DLGAP4: variants seen among roughly 807,000 people sequenced by gnomAD.
DLGAP4 encodes DLG associated protein 4.
A neutral mutation model predicts 86.9 loss-of-function variants in DLGAP4; 18 were observed. The observed-to-expected ratio is 0.21, with a 90% CI of 0.14 to 0.31. The LOEUF (loss-of-function observed/expected upper bound fraction) is 0.31, where lower values mean the gene tolerates loss of function less well. Among genes scored for constraint, DLGAP4 ranks in the 10% least tolerant of loss-of-function variants. The pLI is 1.00. For synonymous variants in DLGAP4, 548 were observed against 574.3 expected, an observed-to-expected ratio of 0.95 and a Z score of 0.65; for missense variants, 1,085 against 1,362.6, an observed-to-expected ratio of 0.80 and a Z score of 3.21.
intron 1 of DLGAP4, among the ~76,000 whole-genome samples, chr20:36,338,322 G>A (rs977506373): frequency 2.0e-5 from 3 of 152,206 alleles, no homozygotes; most frequent in African/African-American, 4.8e-5. Context: ...AACACTTTGG[G>A]AGGCCAAGGT....
intron 2 of DLGAP4, among the ~76,000 whole-genome samples, chr20:36,380,647 GAGAGAGAGAGA>G: frequency 9.6e-6 from 1 of 104,680 alleles, no homozygotes; most frequent in African/African-American, 4.5e-5. Flanking sequence ...GAGAGAGAGA[GAGAGAGAGAGA>G]GAGAGAATCT....
chr20:36,308,297 G>A lies in DLGAP4; in HGVS notation c.-304+1785G>A, dbSNP rs1167339624. Among the ~76,000 whole-genome samples the A allele has an allele frequency of 6.6e-6, 1 of 152,228 alleles. No individual in the cohort carries two copies. The highest frequency in any genetic ancestry group is 2.4e-5 in the African/African-American group (1 of 41,448). On this transcript the variant is annotated intron_variant, in intron 1 of 12. Transcript: ENST00000339266. This position sits in a 1 kb window ranked among gnomAD's most constrained non-coding sequence, Gnocchi z 4.5. Reference sequence around the variant, plus strand: ...GGTGAGGCCTGTGCTGGGCGCTGGGGAGTGCAATGGCTGACAGGGTCCCCA... The same window carrying A: ...GGTGAGGCCTGTGCTGGGCGCTGGGAAGTGCAATGGCTGACAGGGTCCCCA...
chr20:36,508,980 G>T (rs1360573578), intron 10 of DLGAP4, among the ~76,000 whole-genome samples: 1 of 152,096 alleles, frequency 6.6e-6, no homozygotes, highest in Non-Finnish European at 1.5e-5. Context: ...TCACTTACTT[G>T]GTAAGTGAAA....
chr20:36,442,399 G>A (rs1272457490), intron 5 of DLGAP4, among the ~76,000 whole-genome samples: 1 of 152,144 alleles, frequency 6.6e-6, no homozygotes, highest in Non-Finnish European at 1.5e-5. Flanking sequence ...TCTCCATATT[G>A]GTCAGGCTGG....
intron 1 of DLGAP4, among the ~76,000 whole-genome samples, chr20:36,364,480 A>G (rs2030619753): frequency 6.6e-6 from 1 of 152,248 alleles, no homozygotes; most frequent in African/African-American, 2.4e-5. Flanking sequence ...AGGGTTGTGT[A>G]TCTGTTACCA....
intron 4 of DLGAP4, among the ~76,000 whole-genome samples, chr20:36,437,141 C>T (rs754907749): frequency 6.6e-6 from 1 of 152,206 alleles, no homozygotes; most frequent in Non-Finnish European, 1.5e-5. Flanking sequence ...TAAGTGAACC[C>T]GCCATCAGGT....
chr20:36,347,948 A>G (rs1326918679), intron 1 of DLGAP4, among the ~76,000 whole-genome samples: 1 of 152,102 alleles, frequency 6.6e-6, no homozygotes, highest in Non-Finnish European at 1.5e-5. Context: ...TCTTCAATAA[A>G]GAGTTGTTAC....
rs531147088 is a variant in DLGAP4, at chr20:36,473,696, C to T, written c.1649-23009C>T. Among the ~76,000 whole-genome samples the T allele has an allele frequency of 2.0e-5, 3 of 152,314 alleles. No homozygotes were observed. The East Asian group carries it at 5.8e-4, about 29-fold the overall frequency. On this transcript the variant is annotated intron_variant, in intron 7 of 12. Transcript: ENST00000339266. ...AACTCCTGGGCCCAAGCAGTCTGCC[C>T]GCCTTGGCCTCCCAAAGTGCTGGGA...
At chr20:36,492,457 T>G (rs1216786579) in intron 7 of DLGAP4, 1 of 152,434 alleles carries the variant, frequency 6.6e-6, no homozygotes, top group East Asian at 1.9e-4. Flanking sequence ...ACTGGCTGCC[T>G]AGGCCAGGGC....
At chr20:36,348,820 GC>G (rs2030032459) in intron 1 of DLGAP4, among the ~76,000 whole-genome samples, 1 of 151,930 alleles carries the variant, frequency 6.6e-6, no homozygotes, top group Admixed American at 6.6e-5. Context: ...GTGATATGGG[GC>G]CAGGCGTGGT....
At chr20:36,329,325 G>A (rs577572821) in intron 1 of DLGAP4, among the ~76,000 whole-genome samples, 1 of 152,306 alleles carries the variant, frequency 6.6e-6, no homozygotes. Context: ...ATGTACCACA[G>A]GTCACCAGTT....
At chr20:36,472,238 A>T (rs982626988) in intron 7 of DLGAP4, among the ~76,000 whole-genome samples, 6 of 152,186 alleles carry the variant, frequency 3.9e-5, no homozygotes, top group African/African-American at 1.4e-4. Flanking sequence ...GTGGTGGCTC[A>T]TGCCTGTTAT....
chr20:36,395,971 G>T (rs1196803180), intron 2 of DLGAP4, among the ~76,000 whole-genome samples: 1 of 152,096 alleles, frequency 6.6e-6, no homozygotes, highest in African/African-American at 2.4e-5. Context: ...AGACTGGCTG[G>T]GCTGATTAGA....
intron 7 of DLGAP4, among the ~76,000 whole-genome samples, chr20:36,468,516 G>A (rs1408518408): frequency 6.6e-6 from 1 of 152,212 alleles, no homozygotes; most frequent in East Asian, 1.9e-4. Flanking sequence ...CTTGGCCGAG[G>A]CCTCCCAGCC....
intron 2 of DLGAP4, among the ~76,000 whole-genome samples, chr20:36,405,572 C>G (rs184588203): frequency 6.6e-6 from 1 of 151,938 alleles, no homozygotes; most frequent in African/African-American, 2.4e-5. Context: ...ACATCCTAGG[C>G]GTGTGCTATT....
At chr20:36,458,976 GA>G (rs1352541166) in intron 7 of DLGAP4, among the ~76,000 whole-genome samples, 1 of 152,216 alleles carries the variant, frequency 6.6e-6, no homozygotes, top group Admixed American at 6.5e-5. Flanking sequence ...GTCGCGTGGG[GA>G]CAGCCCTCAC....
chr20:36,514,754 A>G (rs1294743034), intron 10 of DLGAP4, among the ~76,000 whole-genome samples: 1 of 152,046 alleles, frequency 6.6e-6, no homozygotes, highest in Non-Finnish European at 1.5e-5. Context: ...GCATGTTTAT[A>G]TGTTGCTGAG....
In DLGAP4 at chr20:36,431,537, G is replaced by T; in HGVS notation, c.-72-109G>T. ...CTGTCCTCAGGCCCACAACATTGAGGACTGGCTTCAGAGATCCTCCCAGCC... is the reference window on the plus strand; with the variant it reads ...CTGTCCTCAGGCCCACAACATTGAGTACTGGCTTCAGAGATCCTCCCAGCC... On this transcript the variant is annotated intron_variant, in intron 2 of 12. Coordinates refer to ENST00000339266, the MANE Select transcript of DLGAP4 (RefSeq NM_001365621.2). This position sits in a 1 kb window ranked among gnomAD's most constrained non-coding sequence, Gnocchi z 5.1. The T allele has an allele frequency of 1.5e-6, 1 of 662,588 alleles. No individual in the cohort carries two copies. Among genetic ancestry groups the T allele is most frequent in the Non-Finnish European group, 2.5e-6 (1 of 399,358 alleles). 41.0% of individuals were successfully genotyped at this position (662,588 alleles called of 1,614,324 possible).
At chr20:36,363,077 A>T (rs1325097080) in intron 1 of DLGAP4, among the ~76,000 whole-genome samples, 1 of 152,234 alleles carries the variant, frequency 6.6e-6, no homozygotes, top group African/African-American at 2.4e-5. Context: ...ATCAGGTCTC[A>T]GCAAAGATTC....
Sources: gnomAD v4.1 joint callset for allele counts (sites outside exome capture counted in the v4.1 genomes callset) on GRCh38, gnomAD v4.1.1 for gene constraint, Gnocchi (gnomAD v3.1) non-coding constraint, MANE v1.5 for transcripts, NCBI Gene and HGNC (gene_info 2026-07-23, HGNC 2026-07-21) for gene names.